Variants in EYS observed in about 807,000 individuals in gnomAD.
EYS encodes protein eyes shut homolog.
In EYS, 250 loss-of-function variants were observed where a neutral mutation model predicts 282.1. The observed-to-expected ratio is 0.89, with a 90% confidence interval of 0.80 to 0.98. The LOEUF (loss-of-function observed/expected upper bound fraction) is 0.98. Ranked by LOEUF, EYS falls within the 50% of genes least tolerant of loss-of-function variation. The pLI is 0.00. For synonymous variants in EYS, 1,355 were observed against 1,282.9 expected, an observed-to-expected ratio of 1.06 and a Z score of -1.20; for missense variants, 4,016 against 3,709.0, an observed-to-expected ratio of 1.08 and a Z score of -2.15.
At chr6:63,849,898 C>T (rs1464926396) in intron 36 of EYS, among the ~76,000 whole-genome samples, 1 of 152,116 alleles carries the variant, frequency 6.6e-6, no homozygotes, top group African/African-American at 2.4e-5. Flanking sequence ...GGAGCATGTT[C>T]TAACCAATGC....
rs1165023067 is a variant in EYS, at chr6:64,702,950, G to A, written c.3444-76705C>T. 2.0e-5 allele frequency among the ~76,000 whole-genome samples: 3 copies of A among 150,912 alleles called. No individual in the cohort carries two copies. The East Asian group carries it at 5.8e-4, about 29-fold the overall frequency. On this transcript the variant is annotated intron_variant, in intron 22 of 42. Coordinates refer to ENST00000503581, the MANE Select transcript of EYS (RefSeq NM_001142800.2). ...TTTTTACTGATAGATAAAATGGGGA[G>A]AATAGAAAACATTGTATTACCTGTT... is the stretch of plus-strand genomic sequence containing the variant.
At chr6:64,843,631 C>T (rs1413472023) in intron 19 of EYS, among the ~76,000 whole-genome samples, 1 of 152,160 alleles carries the variant, frequency 6.6e-6, no homozygotes, top group African/African-American at 2.4e-5. Context: ...CCTGTAACCT[C>T]ATTGTATCTA....
chr6:64,195,015 AT>A (rs1271752441), intron 31 of EYS, among the ~76,000 whole-genome samples: 3 of 151,902 alleles, frequency 2.0e-5, no homozygotes. Flanking sequence ...TTATTCTATT[AT>A]TTTTATATAT....
At position 64,703,382 on chromosome 6, in the gene EYS, GACACAC is replaced by G. The variant is rs1165808043; in HGVS notation, c.3444-77143_3444-77138del. On this transcript the variant is annotated intron_variant, in intron 22 of 42. Coordinates refer to ENST00000503581, the MANE Select transcript of EYS (RefSeq NM_001142800.2). ...ACATACACATACAAACACACACACA[GACACAC>G]ACACACACACACACACACACACATA... Among the ~76,000 whole-genome samples the G allele has an allele frequency of 6.2e-3, 224 of 35,898 alleles. 6 individuals carry two copies. Among genetic ancestry groups the G allele is most frequent in the African/African-American group, 0.016 (206 of 13,094 alleles). 23.6% of individuals were successfully genotyped at this position (35,898 alleles called of 152,430 possible).
intron 2 of EYS, among the ~76,000 whole-genome samples, chr6:65,589,572 C>T (rs1765164334): frequency 6.6e-6 from 1 of 151,888 alleles, no homozygotes; most frequent in Non-Finnish European, 1.5e-5. Flanking sequence ...TTTTTTCAAA[C>T]AGCCAATATA....
chr6:64,397,054 T>G (rs1179485104), intron 28 of EYS, among the ~76,000 whole-genome samples: 1 of 152,150 alleles, frequency 6.6e-6, no homozygotes, highest in African/African-American at 2.4e-5. Context: ...TGATATTTTG[T>G]ATAGTAAATT....
intron 31 of EYS, among the ~76,000 whole-genome samples, chr6:64,125,274 T>C (rs1773737463): frequency 6.6e-6 from 1 of 151,978 alleles, no homozygotes; most frequent in African/African-American, 2.4e-5. Context: ...CCAAAACATC[T>C]TGAGAGTGCA....
At chr6:64,363,035 C>G (rs528850495) in intron 29 of EYS, among the ~76,000 whole-genome samples, 1 of 146,220 alleles carries the variant, frequency 6.8e-6, no homozygotes, top group South Asian at 2.1e-4. Flanking sequence ...TCATGGCTCA[C>G]TACTGCAGCC....
intron 19 of EYS, among the ~76,000 whole-genome samples, chr6:64,841,831 T>C (rs1273000468): frequency 6.6e-6 from 1 of 152,158 alleles, no homozygotes; most frequent in Admixed American, 6.6e-5. Flanking sequence ...AAATGATTGC[T>C]AATCATTCGC....
chr6:64,738,042 A>G (rs932898862), intron 22 of EYS, among the ~76,000 whole-genome samples: 4 of 123,528 alleles, frequency 3.2e-5, no homozygotes, highest in African/African-American at 1.1e-4. Context: ...GGTTGGTAGC[A>G]TGTGTACTAT....
intron 5 of EYS, among the ~76,000 whole-genome samples, chr6:65,474,659 C>G (rs1765335055): frequency 6.6e-6 from 1 of 152,096 alleles, no homozygotes; most frequent in Non-Finnish European, 1.5e-5. Flanking sequence ...TGGGAGGAAG[C>G]AATCTTTAGA....
At chr6:65,610,351 T>C (rs1765953156) in intron 2 of EYS, among the ~76,000 whole-genome samples, 1 of 152,134 alleles carries the variant, frequency 6.6e-6, no homozygotes, top group Non-Finnish European at 1.5e-5. Flanking sequence ...TCATAGGGAT[T>C]ATTTATCTTC....
At chr6:64,985,866 C>T (rs7775844) in intron 14 of EYS, among the ~76,000 whole-genome samples, 40,273 of 151,184 alleles carry the variant, frequency 0.27, 6,713 homozygotes, top group African/African-American at 0.46. Flanking sequence ...CTGTGGAAGT[C>T]GGCCTCAGCT....
intron 12 of EYS, among the ~76,000 whole-genome samples, chr6:65,187,969 A>G (rs1007759296): frequency 6.6e-6 from 1 of 151,674 alleles, no homozygotes; most frequent in African/African-American, 2.4e-5. Flanking sequence ...GGCTTTTCTT[A>G]AGACATTAGA....
chr6:64,643,462 GA>G (rs1562108659), intron 22 of EYS, among the ~76,000 whole-genome samples: 1 of 152,206 alleles, frequency 6.6e-6, no homozygotes, highest in African/African-American at 2.4e-5. Flanking sequence ...ATGCTCTTTG[GA>G]TGCTTGGCAT....
intron 31 of EYS, among the ~76,000 whole-genome samples, chr6:64,228,116 ATG>A (rs1766304817): frequency 6.6e-6 from 1 of 152,176 alleles, no homozygotes; most frequent in Non-Finnish European, 1.5e-5. Flanking sequence ...AGTAGTCGAC[ATG>A]TGTCAGTATG....
chr6:65,533,934 T>G (rs1767875546), intron 2 of EYS, among the ~76,000 whole-genome samples: 1 of 152,102 alleles, frequency 6.6e-6, no homozygotes, highest in Non-Finnish European at 1.5e-5. Context: ...CAATCTCAAC[T>G]CATTGGCATG....
chr6:65,124,797 A>G (rs930990929), intron 12 of EYS, among the ~76,000 whole-genome samples: 7 of 152,216 alleles, frequency 4.6e-5, no homozygotes, highest in Non-Finnish European at 5.9e-5. Context: ...TTATTTACTT[A>G]GAAATTACCA....
intron 12 of EYS, among the ~76,000 whole-genome samples, chr6:65,059,103 A>C (rs1353315170): frequency 6.6e-6 from 1 of 152,136 alleles, no homozygotes; most frequent in Non-Finnish European, 1.5e-5. Context: ...AAAAAAAGTG[A>C]ATATTAAAAA....
Sources: allele counts gnomAD v4.1 joint callset (sites outside exome capture counted in the v4.1 genomes callset), GRCh38; gene constraint gnomAD v4.1.1; transcripts MANE v1.5; gene names NCBI Gene and HGNC (gene_info 2026-07-23, HGNC 2026-07-21).